Variants in SLC2A13 observed in about 807,000 individuals in gnomAD.
SLC2A13 encodes proton myo-inositol cotransporter.
SLC2A13 carries 32 observed loss-of-function variants against 64.4 expected under a neutral mutation model. The observed-to-expected ratio is 0.50, with a 90% CI of 0.37 to 0.67. SLC2A13 has a LOEUF of 0.67. SLC2A13 is among the 30% of genes least tolerant of loss of function. SLC2A13 has a pLI of 0.00. For synonymous variants in SLC2A13, 338 were observed against 327.1 expected (o/e 1.03, Z -0.36); for missense variants, 743 against 829.2 (o/e 0.90, Z 1.28).
intron 1 of SLC2A13, among the ~76,000 whole-genome samples, chr12:40,080,181 T>A (rs1181293503): frequency 8.4e-6 from 1 of 118,860 alleles, no homozygotes; most frequent in Non-Finnish European, 1.7e-5. Flanking sequence ...TTTTTGACCA[T>A]TGATGGCTTA....
intron 2 of SLC2A13, among the ~76,000 whole-genome samples, chr12:40,033,526 A>T (rs1297944615): frequency 6.6e-6 from 1 of 152,242 alleles, no homozygotes; most frequent in Non-Finnish European, 1.5e-5. Context: ...CAGAACTGCT[A>T]GGAGGAAATG....
At chr12:40,069,608 C>A (rs911239334) in intron 1 of SLC2A13, among the ~76,000 whole-genome samples, 2 of 151,044 alleles carry the variant, frequency 1.3e-5, no homozygotes, top group East Asian at 1.9e-4. Flanking sequence ...CATGGAAATG[C>A]AGAATATATG....
chr12:39,993,968 T>G (rs1208724612), intron 3 of SLC2A13, among the ~76,000 whole-genome samples: 5 of 152,140 alleles, frequency 3.3e-5, no homozygotes, highest in Admixed American at 6.5e-5. Flanking sequence ...ATAATAAAAA[T>G]TCTCATCATT....
intron 6 of SLC2A13, among the ~76,000 whole-genome samples, chr12:39,837,977 C>A (rs909072728): frequency 5.3e-5 from 8 of 151,040 alleles, no homozygotes; most frequent in Admixed American, 2.0e-4. Flanking sequence ...TTGACCCAGC[C>A]ATCCCATTAC....
At chr12:40,010,357 G>C (rs1408049673) in intron 3 of SLC2A13, among the ~76,000 whole-genome samples, 1 of 152,180 alleles carries the variant, frequency 6.6e-6, no homozygotes, top group African/African-American at 2.4e-5. Context: ...ATTAGGGAAA[G>C]TCAGCTGAGG....
intron 3 of SLC2A13, among the ~76,000 whole-genome samples, chr12:40,015,897 G>C (rs1009333142): frequency 2.0e-5 from 3 of 152,088 alleles, no homozygotes; most frequent in African/African-American, 7.2e-5. Context: ...ACACTGGATT[G>C]TTGTAGCATT....
At chr12:40,022,887 TC>T (rs887848259) in intron 3 of SLC2A13, among the ~76,000 whole-genome samples, 15 of 144,942 alleles carry the variant, frequency 1.0e-4, no homozygotes, top group African/African-American at 3.3e-4. Context: ...AATTCACCCC[TC>T]CCCCCCCAAA....
At chr12:39,899,859 T>C (rs1365277763) in intron 4 of SLC2A13, among the ~76,000 whole-genome samples, 2 of 152,122 alleles carry the variant, frequency 1.3e-5, no homozygotes, top group African/African-American at 2.4e-5. Context: ...TTTGTTATAA[T>C]TTCTGTTCTT....
intron 7 of SLC2A13, among the ~76,000 whole-genome samples, chr12:39,779,360 C>T (rs1278903736): frequency 6.6e-6 from 1 of 152,160 alleles, no homozygotes; most frequent in Non-Finnish European, 1.5e-5. Context: ...TGATGTTTTT[C>T]TACACTTAAG....
At chr12:39,898,261 A>G (rs1453923391) in intron 4 of SLC2A13, among the ~76,000 whole-genome samples, 1 of 152,178 alleles carries the variant, frequency 6.6e-6, no homozygotes, top group Non-Finnish European at 1.5e-5. Context: ...AAAAGAACCA[A>G]TGAAAAGAAG....
chr12:39,760,260 G>A lies in SLC2A13; in HGVS notation c.1721-8C>T, dbSNP rs368977911. ...CATAGAGGAAGAAAGCTCCTGCAAC[G>A]GAATATAATAGATACATGAATATGA... is the stretch of plus-strand genomic sequence containing the variant. On this transcript the variant is annotated splice_polypyrimidine_tract_variant and splice_region_variant and intron_variant, in intron 9 of 9. Transcript: ENST00000280871. The A allele has an allele frequency of 2.2e-5, 35 of 1,601,514 alleles. No homozygotes were observed. Among genetic ancestry groups the A allele is most frequent in the African/African-American group, 2.0e-4 (15 of 74,372 alleles).
chr12:39,896,143 T>TAC (rs1491143949), intron 4 of SLC2A13, among the ~76,000 whole-genome samples: 1 of 149,238 alleles, frequency 6.7e-6, no homozygotes, highest in Non-Finnish European at 1.5e-5. Flanking sequence ...CACGTGTACC[T>TAC]ATATATGTAT....
chr12:39,955,005 C>T (rs796729231), intron 3 of SLC2A13, among the ~76,000 whole-genome samples: 52 of 152,272 alleles, frequency 3.4e-4, no homozygotes, highest in African/African-American at 1.2e-3. Flanking sequence ...TATCAACAAA[C>T]TTGACCTAAT....
Position 39,951,314 on chromosome 12 carries a change from A to G in SLC2A13, c.977T>C (p.Leu326Ser), listed in dbSNP as rs761288225. 6.2e-7 allele frequency: 1 copy of G among 1,612,620 alleles called. No homozygotes were observed. The highest frequency in any genetic ancestry group is 8.5e-7 in the Non-Finnish European group (1 of 1,179,164). The stretch of plus-strand genomic sequence containing the variant: ...CATTTGTAGGCCACAACCCACAATT[A>G]AAGCTCGGCGAGTTGGGGGATAACT... ...MLSYPPTRRALIVGCGLQMFQ... is the reference protein window; with the variant it reads ...MLSYPPTRRASIVGCGLQMFQ... The change falls in exon 4 of 10, where the codon TTA becomes TCA. Residue 326 changes from leucine (L) to serine (S), a missense_variant. Around this residue, in one of 2 missense-constraint regions of SLC2A13, gnomAD observed 448 missense variants for 447.4 expected, o/e 1.00. Transcript: ENST00000280871.
chr12:39,891,238 C>T (rs564793558), intron 4 of SLC2A13, among the ~76,000 whole-genome samples: 1 of 151,114 alleles, frequency 6.6e-6, no homozygotes, highest in East Asian at 1.9e-4. Flanking sequence ...CTGAGCTCTG[C>T]CTCTGCCCTG....
At chr12:39,916,669 G>A (rs957050507) in intron 4 of SLC2A13, among the ~76,000 whole-genome samples, 4 of 151,948 alleles carry the variant, frequency 2.6e-5, no homozygotes, top group African/African-American at 7.3e-5. Context: ...GCTTTGGCTC[G>A]CAACATCATT....
intron 3 of SLC2A13, among the ~76,000 whole-genome samples, chr12:39,970,369 T>G (rs1254628664): frequency 6.6e-6 from 1 of 152,216 alleles, no homozygotes; most frequent in Non-Finnish European, 1.5e-5. Flanking sequence ...TTGAAACTAC[T>G]CTCAAAAAGT....
At chr12:40,040,965 A>G (rs1205033630) in intron 2 of SLC2A13, among the ~76,000 whole-genome samples, 1 of 151,432 alleles carries the variant, frequency 6.6e-6, no homozygotes, top group Non-Finnish European at 1.5e-5. Context: ...TATTATTATT[A>G]TTATTTGAGA....
intron 6 of SLC2A13, among the ~76,000 whole-genome samples, chr12:39,846,041 T>C (rs376852432): frequency 2.6e-5 from 4 of 152,162 alleles, no homozygotes; most frequent in South Asian, 2.1e-4. Context: ...TTGTCTTCAA[T>C]GATTTTTCTC....
Sources: gnomAD v4.1 joint callset for allele counts (sites outside exome capture counted in the v4.1 genomes callset) on GRCh38, gnomAD v4.1.1 for gene constraint, gnomAD v4.1.1 regional missense constraint, MANE v1.5 for transcripts, NCBI Gene and HGNC (gene_info 2026-07-23, HGNC 2026-07-21) for gene names.